The following KLHL20 variants were observed in gnomAD, a reference collection of about 807,000 sequenced individuals.
KLHL20 encodes the protein kelch-like protein 20.
A neutral mutation model predicts 69.5 loss-of-function variants in KLHL20; 29 were observed. The observed-to-expected ratio is 0.42, with a 90% CI of 0.31 to 0.57. The LOEUF is 0.57. KLHL20 is among the 20% of genes least tolerant of loss of function. KLHL20 has a pLI of 0.18. For missense variants in KLHL20, 419 were observed against 776.0 expected (o/e 0.54, Z 5.47); for synonymous variants, 253 against 265.2 (o/e 0.95, Z 0.45).
At chr1:173,759,846 C>A (rs748364457) in intron 7 of KLHL20, among the ~76,000 whole-genome samples, 2 of 152,070 alleles carry the variant, frequency 1.3e-5, no homozygotes, top group African/African-American at 4.8e-5. Context: ...CATACTAATT[C>A]ACCAGCAATG....
At chr1:173,717,957 A>G (rs1365573024) in intron 2 of KLHL20, among the ~76,000 whole-genome samples, 6 of 152,236 alleles carry the variant, frequency 3.9e-5, no homozygotes, top group Admixed American at 2.6e-4. Flanking sequence ...ACAATAGGAT[A>G]TTCAGTGAAA....
chr1:173,768,722 G>A (rs1647889402), intron 8 of KLHL20, among the ~76,000 whole-genome samples: 1 of 152,154 alleles, frequency 6.6e-6, no homozygotes, highest in Non-Finnish European at 1.5e-5. Flanking sequence ...TTAAAACATG[G>A]TTAAGATGGT....
chr1:173,768,425 T>C (rs1647865854), intron 8 of KLHL20, among the ~76,000 whole-genome samples: 1 of 152,224 alleles, frequency 6.6e-6, no homozygotes, highest in Non-Finnish European at 1.5e-5. Flanking sequence ...TTTACTAGTT[T>C]ACCATGTATA....
chr1:173,782,867 G>A (rs1213333690), intron 11 of KLHL20, among the ~76,000 whole-genome samples: 1 of 151,974 alleles, frequency 6.6e-6, no homozygotes, highest in Non-Finnish European at 1.5e-5. Context: ...GGTGACTTTT[G>A]CATTTATTTT....
At chr1:173,745,319 G>A (rs964807933) in intron 3 of KLHL20, among the ~76,000 whole-genome samples, 8 of 150,730 alleles carry the variant, frequency 5.3e-5, no homozygotes, top group Non-Finnish European at 1.5e-5. Flanking sequence ...TGCACCACCA[G>A]GCCTGGCTAA....
At chr1:173,764,518 T>C (rs1647554002) in intron 7 of KLHL20, among the ~76,000 whole-genome samples, 1 of 152,162 alleles carries the variant, frequency 6.6e-6, no homozygotes, top group African/African-American at 2.4e-5. Context: ...CTGTGGTGTA[T>C]ATAGACGATG....
chr1:173,773,686 T>C (rs1648254329), intron 8 of KLHL20, among the ~76,000 whole-genome samples: 1 of 151,910 alleles, frequency 6.6e-6, no homozygotes, highest in South Asian at 2.1e-4. Flanking sequence ...TTCAAAGTAA[T>C]GACCAAATGA....
intron 2 of KLHL20, among the ~76,000 whole-genome samples, chr1:173,730,389 C>G (rs983159700): frequency 5.3e-5 from 8 of 151,726 alleles, no homozygotes; most frequent in Non-Finnish European, 8.8e-5. Context: ...CATATGGAAC[C>G]AAAAAAGAGC....
At chr1:173,761,171 C>T (rs57799150) in intron 7 of KLHL20, among the ~76,000 whole-genome samples, 35,576 of 151,966 alleles carry the variant, frequency 0.23, 4,640 homozygotes, top group Middle Eastern at 0.39. Flanking sequence ...AGGCTTTGTC[C>T]GACAGAAAAA....
chr1:173,766,000 G>C, intron 7 of KLHL20, 146 bp from the exon 8 acceptor site: 1 of 541,114 alleles, frequency 1.8e-6, no homozygotes, highest in Non-Finnish European at 2.9e-6. Context: ...ACACAAACCA[G>C]ATTTTCAAAT....
At chr1:173,777,195 G>C (rs1357522770) in intron 10 of KLHL20, among the ~76,000 whole-genome samples, 1 of 152,054 alleles carries the variant, frequency 6.6e-6, no homozygotes, top group Non-Finnish European at 1.5e-5. Context: ...TTACTTTCTT[G>C]ATTTCTTTTT....
chr1:173,771,992 G>T (rs1264675035), intron 8 of KLHL20, among the ~76,000 whole-genome samples: 1 of 152,164 alleles, frequency 6.6e-6, no homozygotes, highest in African/African-American at 2.4e-5. Context: ...CCAGAGTGTG[G>T]AGGTAGAAGA....
chr1:173,754,595 A>C (rs997072967), intron 5 of KLHL20, among the ~76,000 whole-genome samples: 3 of 151,950 alleles, frequency 2.0e-5, no homozygotes. Context: ...AAAAAAAAAA[A>C]AAAAAAACAC....
intron 8 of KLHL20, among the ~76,000 whole-genome samples, 190 bp downstream of exon 8, chr1:173,766,479 C>CAAA (rs1216941305): frequency 4.0e-5 from 4 of 99,388 alleles, no homozygotes; most frequent in Non-Finnish European, 6.3e-5. Context: ...ATAAAAAATA[C>CAAA]AAAAAAAAAA....
In KLHL20 at chr1:173,734,294, G is replaced by A. The variant is rs752772856; in HGVS notation, c.597+8G>A. On this transcript the variant is annotated splice_region_variant and intron_variant, in intron 3 of 11. Coordinates refer to ENST00000209884, the MANE Select transcript of KLHL20 (RefSeq NM_014458.4). ...CAACATAACTTTCAAGAGGTGAGTT[G>A]CACTTGGTGTTCCAATGCACCCATT... 3.7e-6 allele frequency: 6 copies of A among 1,613,504 alleles called. No individual in the cohort carries two copies. The highest frequency in any genetic ancestry group is 5.1e-6 in the Non-Finnish European group (6 of 1,179,558).
At chr1:173,744,035 G>A (rs1437476332) in intron 3 of KLHL20, among the ~76,000 whole-genome samples, 1 of 152,060 alleles carries the variant, frequency 6.6e-6, no homozygotes, top group Non-Finnish European at 1.5e-5. Context: ...CCTAGAAATA[G>A]GATTGCAAGG....
At chr1:173,742,966 T>G (rs201244539) in intron 3 of KLHL20, among the ~76,000 whole-genome samples, 2 of 151,432 alleles carry the variant, frequency 1.3e-5, no homozygotes, top group East Asian at 3.9e-4. Context: ...AAAAGCATCA[T>G]GAACTAAAAA....
chr1:173,716,832 A>C (rs6425252), intron 2 of KLHL20, among the ~76,000 whole-genome samples: 1,807 of 152,304 alleles, frequency 0.012, 46 homozygotes, highest in African/African-American at 0.042. Context: ...TTATAATGGG[A>C]ATATGACTTA....
chr1:173,758,303 T>G lies in KLHL20; in HGVS notation c.1151+1144T>G, dbSNP rs377026242. On this transcript the variant is annotated intron_variant, in intron 7 of 11. Coordinates refer to ENST00000209884, the MANE Select transcript of KLHL20 (RefSeq NM_014458.4). ...AAGAAAAAGAAAACAACACACACACTTAAAAATAAATTGATGACATCACAG... is the reference window on the plus strand; with the variant it reads ...AAGAAAAAGAAAACAACACACACACGTAAAAATAAATTGATGACATCACAG... Among the ~76,000 whole-genome samples the G allele has an allele frequency of 9.3e-5, 14 of 150,518 alleles. 1 individual carries two copies. Among genetic ancestry groups the G allele is most frequent in the African/African-American group, 3.4e-4 (14 of 41,156 alleles).
Sources: gnomAD v4.1 joint callset for allele counts (sites outside exome capture counted in the v4.1 genomes callset) on GRCh38, gnomAD v4.1.1 for gene constraint, MANE v1.5 for transcripts, NCBI Gene and HGNC (gene_info 2026-07-23, HGNC 2026-07-21) for gene names.